The following DVL1 variants were observed in gnomAD, a reference collection of about 807,000 sequenced individuals.
DVL1 encodes segment polarity protein dishevelled homolog DVL-1.
A neutral mutation model predicts 65.0 loss-of-function variants in DVL1; 49 were observed. The observed-to-expected ratio is 0.75, with a 90% CI of 0.60 to 0.96. The LOEUF (loss-of-function observed/expected upper bound fraction) is 0.96. Among genes scored for constraint, DVL1 ranks in the 40% least tolerant of loss-of-function variants. The pLI is 0.00. For missense variants in DVL1, 1,197 were observed against 1,045.4 expected (o/e 1.15, Z -2.00); for synonymous variants, 608 against 433.9 (o/e 1.40, Z -4.99).
Position 1,338,307 on chromosome 1 carries a change from GAGA to G in DVL1, c.1466_1468del (p.Phe489del). The G allele has an allele frequency of 1.2e-6, 2 of 1,612,450 alleles. No individual in the cohort carries two copies. Among genetic ancestry groups the G allele is most frequent in the Non-Finnish European group, 1.7e-6 (2 of 1,179,732 alleles). Reference sequence around the variant, plus strand: ...CCCGAAGACGTAGTAGCACTGCTCGGAGAAGGTGATCTTGTTGACCGTGTGCCG... The same window carrying G: ...CCCGAAGACGTAGTAGCACTGCTCGGAGGTGATCTTGTTGACCGTGTGCCG... On this transcript the variant is annotated inframe_deletion, in exon 13 of 15. Transcript: ENST00000378888.
rs142495951 is a variant in DVL1, at chr1:1,340,089, G to A, written c.858C>T (p.Gly286=). ...TGCGGCCGTCAGCGGCCACAGCCCC[G>A]CCCTTCATGATGGAGCCAATGTAGA... is the stretch of plus-strand genomic sequence containing the variant. The part of the protein sequence containing the change: ...GGIYIGSIMK[G]GAVAADGRIE... Residue 286 remains glycine, a synonymous_variant, in exon 8 of 15, where the codon GGC becomes GGT. Coordinates refer to ENST00000378888, the MANE Select transcript of DVL1 (RefSeq NM_001330311.2). The A allele has an allele frequency of 4.2e-4, 678 of 1,613,288 alleles. 3 individuals are homozygous for A. The highest frequency in any genetic ancestry group is 3.7e-3 in the African/African-American group (279 of 75,014).
intron 14 of DVL1, 22 bp downstream of exon 14, chr1:1,337,955 C>T: frequency 6.2e-7 from 1 of 1,601,294 alleles, no homozygotes; most frequent in East Asian, 2.2e-5. Context: ...CGGGGAAGGG[C>T]AGGTAGGGGC....
intron 5 of DVL1, 147 bp from the exon 6 acceptor site, chr1:1,340,650 C>T: frequency 1.2e-6 from 1 of 805,192 alleles, no homozygotes; most frequent in South Asian, 1.7e-5. Context: ...GCCCCAGGCC[C>T]TGCACACGTG....
intron 8 of DVL1, 88 bp downstream of exon 8, chr1:1,339,950 A>ACAGAC: frequency 2.1e-6 from 1 of 467,798 alleles, no homozygotes; most frequent in South Asian, 2.7e-5. Context: ...AGCAGCCCCT[A>ACAGAC]CAGACCCACC....
At chr1:1,336,930 T>C in intron 14 of DVL1, 2 of 896,908 alleles carry the variant, frequency 2.2e-6, no homozygotes, top group Non-Finnish European at 2.7e-6. Context: ...AGCTCAGCCC[T>C]GTCCTGGGCT....
rs201591960 is a variant in DVL1 at position 1,340,332 on chromosome 1, G to A, written c.700-16C>T. ...AGGAGGAGGCCTATGGAGGAGAGGG[G>A]GCGTGTGTAAAAGGCACGGGGCTGC... On this transcript the variant is annotated splice_polypyrimidine_tract_variant and intron_variant, in intron 6 of 14. Transcript: ENST00000378888. 9.5e-5 allele frequency: 154 copies of A among 1,613,808 alleles called. No individual in the cohort carries two copies. Among genetic ancestry groups the A allele is most frequent in the South Asian group, 1.1e-4 (10 of 91,082 alleles).
chr1:1,338,012 T>C lies in DVL1; in HGVS notation c.1679A>G (p.Tyr560Cys). 1.2e-6 allele frequency: 2 copies of C among 1,611,892 alleles called. No homozygotes were observed. The highest frequency in any genetic ancestry group is 2.2e-5 in the East Asian group (1 of 44,854). Residue 560 changes from tyrosine to cysteine, a missense_variant, in exon 14 of 15, where the codon TAT (tyrosine) becomes TGT (cysteine). Transcript: ENST00000378888. ...CTGACTCCCGGTGCTGCCGCTGCCATAGCTAAAGCCCGGGTCCTGGTAGGC... is the reference window on the plus strand; with the variant it reads ...CTGACTCCCGGTGCTGCCGCTGCCACAGCTAAAGCCCGGGTCCTGGTAGGC... ...PPAYQDPGFS[Y>C]GSGSTGSQQS...
intron 8 of DVL1, 74 bp downstream of exon 8, chr1:1,339,964 A>G (rs1643732134): frequency 6.6e-7 from 1 of 1,515,414 alleles, no homozygotes; most frequent in Non-Finnish European, 8.8e-7. Flanking sequence ...ACCCACCCGC[A>G]GCCGCACGTC....
chr1:1,348,772 A>T (rs1223295773), intron 1 of DVL1, 124 bp downstream of exon 1: 10 of 821,768 alleles, frequency 1.2e-5, no homozygotes, highest in Non-Finnish European at 1.6e-6. Flanking sequence ...CATCTAGCGG[A>T]GGCGCGTCGC....
rs1444198327 is a variant in DVL1 at position 1,336,147 on chromosome 1, T to C, written c.2083A>G (p.Met695Val). Residue 695 changes from methionine (M) to valine (V), a missense_variant, in exon 15 of 15, where the codon ATG becomes GTG. Met to Val is a conservative substitution (Grantham distance 21, BLOSUM62 1). Transcript: ENST00000378888. The part of the protein sequence containing the change: ...GNPCEFFVDI[M>V] ...GCTGGGGCATGCGCCACGAGTCACA[T>C]GATGTCCACGAAGAACTCGCAGGGG... is the stretch of plus-strand genomic sequence containing the variant. The C allele has an allele frequency of 1.1e-5, 17 of 1,575,990 alleles. No individual in the cohort carries two copies. The highest frequency in any genetic ancestry group is 1.5e-5 in the Non-Finnish European group (17 of 1,167,872).
Position 1,335,784 on chromosome 1 carries a change from G to A in DVL1, c.*358C>T. On this transcript the variant is annotated 3_prime_UTR_variant, in exon 15 of 15. Transcript: ENST00000378888. The stretch of plus-strand genomic sequence containing the variant: ...GACAGGGGGCCTGTGCACCGCAGGG[G>A]GTTGCCCCGCATGGACCACCCTGGG... 1 of 301,284 alleles carries A rather than the reference G, an allele frequency of 3.3e-6. No homozygotes were observed. Among genetic ancestry groups the A allele is most frequent in the Non-Finnish European group, 6.3e-6 (1 of 159,904 alleles). The allele number at this position is 301,284 out of a possible 1,614,324, so 18.7% of individuals were successfully genotyped here.
intron 1 of DVL1, among the ~76,000 whole-genome samples, chr1:1,346,028 G>A (rs756100254): frequency 1.6e-4 from 25 of 152,272 alleles, no homozygotes; most frequent in Non-Finnish European, 3.5e-4. Flanking sequence ...ATGGCTATGA[G>A]TGCAGTAGGT....
In DVL1 at chr1:1,340,027, C is replaced by T; in HGVS notation, c.909+11G>A. 2.5e-6 allele frequency: 4 copies of T among 1,609,478 alleles called. No individual in the cohort carries two copies. The highest frequency in any genetic ancestry group is 3.4e-6 in the Non-Finnish European group (4 of 1,178,182). On this transcript the variant is annotated intron_variant, in intron 8 of 14. Transcript: ENST00000378888. Reference sequence around the variant, plus strand: ...CAGCTACATGTCACCCCGCAGCCCCCACAGACACACCTGCAGCAACATGTC... The same window carrying T: ...CAGCTACATGTCACCCCGCAGCCCCTACAGACACACCTGCAGCAACATGTC...
chr1:1,340,509 A>G lies in DVL1; in HGVS notation c.606-6T>C. 4 of 1,597,416 alleles carry G rather than the reference A, an allele frequency of 2.5e-6. No individual in the cohort carries two copies. The highest frequency in any genetic ancestry group is 3.4e-6 in the Non-Finnish European group (4 of 1,172,196). The stretch of plus-strand genomic sequence containing the variant: ...GCTCCGTGGAGCTGCTGAGCCTGGG[A>G]ACAGACTGTCAGAGCTCAGAGGAGC... On this transcript the variant is annotated splice_region_variant and splice_polypyrimidine_tract_variant and intron_variant, in intron 5 of 14. Transcript: ENST00000378888.
At chr1:1,345,683 G>T (rs867161299) in intron 1 of DVL1, among the ~76,000 whole-genome samples, 2 of 152,198 alleles carry the variant, frequency 1.3e-5, no homozygotes, top group Non-Finnish European at 2.9e-5. Context: ...GGCCACACAG[G>T]ATGCAGAGAA....
rs768902364 is a variant in DVL1 at position 1,349,012 on chromosome 1, C to T, written c.54G>A (p.Leu18=). 1 of 1,573,748 alleles carries T rather than the reference C, an allele frequency of 6.4e-7. No homozygotes were observed. The highest frequency in any genetic ancestry group is 1.4e-5 in the African/African-American group (1 of 71,774). Residue 18 remains leucine, a synonymous_variant, in exon 1 of 15, where the codon CTG becomes CTA. Coordinates refer to ENST00000378888, the MANE Select transcript of DVL1 (RefSeq NM_001330311.2). This position sits in a 1 kb window ranked among gnomAD's most constrained non-coding sequence, Gnocchi z 4.1. ...YHMDEEETPY[L]VKLPVAPERV... is the part of the protein sequence containing the mutation. ...GCTCGGGGGCCACGGGCAGCTTGAC[C>T]AGGTACGGCGTCTCCTCCTCGTCCA...
rs759394933 is a variant in DVL1, at chr1:1,348,961, G to C, written c.105C>G (p.Asn35Lys). 1 of 1,575,028 alleles carries C rather than the reference G, an allele frequency of 6.3e-7. No homozygotes were observed. Among genetic ancestry groups the C allele is most frequent in the Non-Finnish European group, 8.6e-7 (1 of 1,157,594 alleles). The part of the protein sequence containing the change: ...PERVTLADFK[N>K]VLSNRPVHAY... ...CGTGCACGGGCCGGTTGCTGAGCACGTTCTTGAAGTCGGCCAGCGTGACGC... is the reference window on the plus strand; with the variant it reads ...CGTGCACGGGCCGGTTGCTGAGCACCTTCTTGAAGTCGGCCAGCGTGACGC... Residue 35 changes from asparagine to lysine, a missense_variant, in exon 1 of 15, where the codon AAC becomes AAG. By Grantham distance (94) the Asn-to-Lys change is moderately conservative. Transcript: ENST00000378888.
chr1:1,340,884 C>A (rs1643783004), intron 5 of DVL1, among the ~76,000 whole-genome samples: 1 of 148,172 alleles, frequency 6.7e-6, no homozygotes, highest in African/African-American at 2.5e-5. Flanking sequence ...CACACATGCA[C>A]ACCCCTGCAC....
In DVL1 at chr1:1,336,342, G is replaced by A. The variant is rs755595194; in HGVS notation, c.1888C>T (p.Pro630Ser). The A allele has an allele frequency of 1.3e-6, 2 of 1,592,550 alleles. No homozygotes were observed. Among genetic ancestry groups the A allele is most frequent in the South Asian group, 1.1e-5 (1 of 90,174 alleles). ...GCGGTAGCCGAGGCCTGACTGCGTGGGCTGCTGCCACGGCTGAGCTGGCCG... is the reference window on the plus strand; with the variant it reads ...GCGGTAGCCGAGGCCTGACTGCGTGAGCTGCTGCCACGGCTGAGCTGGCCG... ...PAGQLSRGSS[P>S]RSQASATAPG... The change falls in exon 15 of 15, where the codon CCA (proline) becomes TCA (serine). Residue 630 changes from proline to serine, a missense_variant. By Grantham distance (74) the Pro-to-Ser change is moderately conservative (BLOSUM62 -1). Coordinates refer to ENST00000378888, the MANE Select transcript of DVL1 (RefSeq NM_001330311.2).
Sources: allele counts gnomAD v4.1 joint callset (sites outside exome capture counted in the v4.1 genomes callset), GRCh38; gene constraint gnomAD v4.1.1; non-coding constraint Gnocchi (gnomAD v3.1); transcripts MANE v1.5; gene names NCBI Gene and HGNC (gene_info 2026-07-23, HGNC 2026-07-21).